The following HPS3 variants were observed in gnomAD, a reference collection of about 807,000 sequenced individuals.
HPS3 encodes BLOC-2 complex member HPS3.
HPS3 carries 79 observed loss-of-function variants against 110.9 expected under a neutral mutation model. That is an observed-to-expected ratio of 0.71 (90% confidence interval 0.59 to 0.86). HPS3 has a LOEUF of 0.86. HPS3 is among the 40% of genes least tolerant of loss of function. HPS3 has a pLI of 0.00. For synonymous variants in HPS3, 428 were observed against 451.0 expected (o/e 0.95, Z 0.65); for missense variants, 1,197 against 1,206.2 (o/e 0.99, Z 0.11).
chr3:149,170,642 A>G (rs982738768), intron 16 of HPS3: 7 of 152,234 alleles, frequency 4.6e-5, no homozygotes, highest in Admixed American at 3.3e-4. Context: ...AATCTTTTCT[A>G]TAAACCATTG....
chr3:149,156,941 A>G (rs1050752086), intron 8 of HPS3, among the ~76,000 whole-genome samples: 1 of 152,210 alleles, frequency 6.6e-6, no homozygotes, highest in African/African-American at 2.4e-5. Context: ...ACCAATCAAA[A>G]CTAAAATAAG....
Position 149,141,428 on chromosome 3 carries a change from CTCTG to C in HPS3, c.970+53_970+56del, listed in dbSNP as rs760630186. 3.4e-6 allele frequency: 5 copies of C among 1,482,088 alleles called. No individual in the cohort carries two copies. The Admixed American group carries it at 8.4e-5, about 25-fold the overall frequency. 91.8% of individuals were successfully genotyped at this position (1,482,088 alleles called of 1,614,324 possible). A position where few individuals can be genotyped will look rare whatever the true frequency, so the allele number is the denominator to read the frequency against. On this transcript the variant is annotated intron_variant, in intron 4 of 16. Coordinates refer to ENST00000296051, the MANE Select transcript of HPS3 (RefSeq NM_032383.5). ...GCGACAGTGCAGCAAGGTGAAAATG[CTCTG>C]TCTGGGCTGGGAGTGAAGACCCATG...
chr3:149,151,587 T>TAAAAAAAAAAA (rs1167453087), intron 6 of HPS3, among the ~76,000 whole-genome samples: 24 of 40,340 alleles, frequency 5.9e-4, no homozygotes, highest in Non-Finnish European at 9.1e-4. Context: ...GCTTGGTTTC[T>TAAAAAAAAAAA]AAAAAAAAAA....
intron 1 of HPS3, among the ~76,000 whole-genome samples, chr3:149,132,885 AG>A (rs1266755691): frequency 6.6e-6 from 1 of 152,204 alleles, no homozygotes; most frequent in Non-Finnish European, 1.5e-5. Context: ...GATGACTTTG[AG>A]GGGTTCAAGA....
intron 12 of HPS3, 70 bp from the exon 13 acceptor site, chr3:149,162,620 T>G (rs759977485): frequency 4.7e-6 from 7 of 1,479,062 alleles, no homozygotes; most frequent in Non-Finnish European, 5.7e-6. Context: ...GCTGTGATAT[T>G]CAGCCCAGCT....
intron 14 of HPS3, among the ~76,000 whole-genome samples, chr3:149,166,470 A>T (rs1724427132): frequency 6.6e-6 from 1 of 152,188 alleles, no homozygotes; most frequent in South Asian, 2.1e-4. Context: ...ACCTATGTAG[A>T]TTTTATAAAA....
rs10693502 is a variant in HPS3, at chr3:149,141,200, C to CT, written c.884+25dup. ...CACCTGCTCTATAGGTATTATAGTG[C>CT]TTTTTTTTTTTTTACCAGCATTTTA... On this transcript the variant is annotated intron_variant, in intron 3 of 16. Coordinates refer to ENST00000296051, the MANE Select transcript of HPS3 (RefSeq NM_032383.5). 16,732 of 1,510,334 alleles carry CT rather than the reference C, an allele frequency of 0.011. 22 individuals carry two copies. Among genetic ancestry groups the CT allele is most frequent in the African/African-American group, 0.039 (2,763 of 70,152 alleles). 93.6% of individuals were successfully genotyped at this position (1,510,334 alleles called of 1,614,324 possible). A position where few individuals can be genotyped will look rare whatever the true frequency, so the allele number is the denominator to read the frequency against.
In HPS3 at chr3:149,163,830, T is replaced by C. The variant is rs1214739484; in HGVS notation, c.2482-12T>C. 4 of 1,394,088 alleles carry C rather than the reference T, an allele frequency of 2.9e-6. No individual in the cohort carries two copies. In the East Asian group the frequency reaches 9.2e-5, roughly 32 times the overall value. 86.4% of individuals were successfully genotyped at this position (1,394,088 alleles called of 1,614,324 possible). On this transcript the variant is annotated splice_polypyrimidine_tract_variant and intron_variant, in intron 13 of 16. Coordinates refer to ENST00000296051, the MANE Select transcript of HPS3 (RefSeq NM_032383.5). ...TTATATTTTGTTTATGAGAAATTCT[T>C]TTATGTTTTAGATAAATGCCTGTAG...
At chr3:149,139,234 T>A (rs1325251571) in intron 1 of HPS3, among the ~76,000 whole-genome samples, 2 of 152,226 alleles carry the variant, frequency 1.3e-5, no homozygotes, top group Non-Finnish European at 2.9e-5. Context: ...AGGGAGAGAT[T>A]TATTAATAAT....
intron 8 of HPS3, among the ~76,000 whole-genome samples, chr3:149,156,539 CT>C (rs949039229): frequency 1.4e-3 from 199 of 142,744 alleles, no homozygotes; most frequent in Admixed American, 4.4e-3. Context: ...TTCCCCTCTA[CT>C]TTTTTTTTGA....
chr3:149,147,548 GACTATCCATC>G (rs1263779322), intron 5 of HPS3, among the ~76,000 whole-genome samples: 1 of 152,132 alleles, frequency 6.6e-6, no homozygotes, highest in African/African-American at 2.4e-5. Flanking sequence ...AGATGTAAAA[GACTATCCATC>G]TTTTTCCCAT....
At chr3:149,130,065 A>G in intron 1 of HPS3, 125 bp downstream of exon 1, 1 of 946,940 alleles carries the variant, frequency 1.1e-6, no homozygotes, top group Non-Finnish European at 1.6e-6. Context: ...AATTTGCCGG[A>G]TGGTCTCCCT....
chr3:149,135,723 G>T (rs1722046121), intron 1 of HPS3, among the ~76,000 whole-genome samples: 1 of 152,168 alleles, frequency 6.6e-6, no homozygotes, highest in East Asian at 1.9e-4. Flanking sequence ...GGTGGCCAGG[G>T]TTGAGTGCTG....
In HPS3 at chr3:149,162,881, A is replaced by G; in HGVS notation, c.2481+3A>G. ...CATTGCGAACATCGGAGGATCTGGT[A>G]AGATAATGGAATAATACCTTAAATT... On this transcript the variant is annotated splice_donor_region_variant and intron_variant, in intron 13 of 16. Coordinates refer to ENST00000296051, the MANE Select transcript of HPS3 (RefSeq NM_032383.5). 6.2e-7 allele frequency: 1 copy of G among 1,610,048 alleles called. No individual in the cohort carries two copies. Among genetic ancestry groups the G allele is most frequent in the Non-Finnish European group, 8.5e-7 (1 of 1,176,394 alleles).
rs1559912293 is a variant in HPS3, at chr3:149,145,491, CCTGAAAAGTCT to C, written c.1110_1120del (p.Glu371AlafsTer15). The C allele has an allele frequency of 1.2e-5, 19 of 1,613,972 alleles. No individual in the cohort carries two copies. Among genetic ancestry groups the C allele is most frequent in the Non-Finnish European group, 1.6e-5 (19 of 1,179,972 alleles). On this transcript the variant is annotated frameshift_variant, in exon 5 of 17. Coordinates refer to ENST00000296051, the MANE Select transcript of HPS3 (RefSeq NM_032383.5). LOFTEE classifies it high-confidence loss of function. ...TGAATTGATGTCAGTCTACCAGTAT[CCTGAAAAGTCT>C]CAGCAGGCAGTACTCACGCCACAAT...
Position 149,162,285 on chromosome 3 carries a change from G to T in HPS3, c.2244G>T (p.Leu748Phe), listed in dbSNP as rs369185387. Residue 748 changes from leucine to phenylalanine, a missense_variant, in exon 12 of 17, where the codon TTG becomes TTT. Leu to Phe is a conservative substitution (Grantham distance 22). Coordinates refer to ENST00000296051, the MANE Select transcript of HPS3 (RefSeq NM_032383.5). ...TGCTTGTGGCTTCAGTTCTGGGCTTGCAGAAGAACAACAAAATTGGAATTG... is the reference window on the plus strand; with the variant it reads ...TGCTTGTGGCTTCAGTTCTGGGCTTTCAGAAGAACAACAAAATTGGAATTG... Reference protein sequence around the residue: ...PGLLVASVLGLQKNNKIGIEE... With the variant: ...PGLLVASVLGFQKNNKIGIEE... 1.4e-5 allele frequency: 23 copies of T among 1,613,868 alleles called. No individual in the cohort carries two copies. The highest frequency in any genetic ancestry group is 1.9e-5 in the Non-Finnish European group (23 of 1,179,928).
intron 8 of HPS3, among the ~76,000 whole-genome samples, chr3:149,156,348 A>G (rs149951450): frequency 1.3e-5 from 2 of 152,302 alleles, no homozygotes; most frequent in African/African-American, 4.8e-5. Context: ...TATGGTTCAT[A>G]GTCTAATTTT....
intron 5 of HPS3, 26 bp from the exon 6 acceptor site, chr3:149,150,573 T>A: frequency 6.2e-7 from 1 of 1,607,178 alleles, no homozygotes. Context: ...CTCACTTTGC[T>A]CAGCAGCCTG....
chr3:149,129,856 G>A lies in HPS3; in HGVS notation c.133G>A (p.Ala45Thr). 1.2e-6 allele frequency: 2 copies of A among 1,600,202 alleles called. No individual in the cohort carries two copies. Among genetic ancestry groups the A allele is most frequent in the Non-Finnish European group, 1.7e-6 (2 of 1,177,738 alleles). ...GGCGGGCTGCAAGGTGGAGGCGTTC[G>A]CGGTGGCCGGCCAGGAGCTGTGCCA... is the stretch of plus-strand genomic sequence containing the variant. ...VAAGCKVEAFAVAGQELCQPR... is the reference protein window; with the variant it reads ...VAAGCKVEAFTVAGQELCQPR... The change falls in exon 1 of 17, where the codon GCG (alanine) becomes ACG (threonine). Residue 45 changes from alanine to threonine, a missense_variant. By Grantham distance (58) the Ala-to-Thr change is moderately conservative (BLOSUM62 0). Coordinates refer to ENST00000296051, the MANE Select transcript of HPS3 (RefSeq NM_032383.5).
Sources: allele counts gnomAD v4.1 joint callset (sites outside exome capture counted in the v4.1 genomes callset), GRCh38; gene constraint gnomAD v4.1.1; transcripts MANE v1.5; gene names NCBI Gene and HGNC (gene_info 2026-07-23, HGNC 2026-07-21).